PHACTR3: variants seen among roughly 807,000 people sequenced by gnomAD.
The protein encoded by PHACTR3 is protein phosphatase 1, regulatory subunit 123.
PHACTR3 carries 16 observed loss-of-function variants against 66.8 expected under a neutral mutation model. The ratio of observed to expected loss-of-function variants is 0.24; its 90% CI spans 0.16 to 0.36. PHACTR3 has a LOEUF of 0.36. PHACTR3 is among the 10% of genes least tolerant of loss of function. PHACTR3 has a pLI of 1.00. For synonymous variants in PHACTR3, 323 were observed against 292.1 expected (o/e 1.11, Z -1.08); for missense variants, 647 against 719.9 (o/e 0.90, Z 1.16).
chr20:59,787,866 C>G (rs2040965336), intron 7 of PHACTR3, among the ~76,000 whole-genome samples: 1 of 152,214 alleles, frequency 6.6e-6, no homozygotes. Context: ...TTATAGAAGC[C>G]TGGAGGTGTG....
intron 3 of PHACTR3, among the ~76,000 whole-genome samples, chr20:59,748,974 T>C (rs966983971): frequency 6.6e-6 from 1 of 152,174 alleles, no homozygotes; most frequent in Non-Finnish European, 1.5e-5. Flanking sequence ...TTCCTCTCTT[T>C]AGACTCGAAG....
At chr20:59,836,630 T>A in intron 9 of PHACTR3, 70 bp downstream of exon 9, 1 of 1,485,036 alleles carries the variant, frequency 6.7e-7, no homozygotes, top group Non-Finnish European at 9.2e-7. Flanking sequence ...AATCCTGAGT[T>A]CCCATAACCC....
intron 1 of PHACTR3, among the ~76,000 whole-genome samples, chr20:59,697,123 G>T (rs1347433744): frequency 6.6e-6 from 1 of 152,152 alleles, no homozygotes; most frequent in Non-Finnish European, 1.5e-5. Context: ...GGTAAGGACT[G>T]CCCCACTTAC....
chr20:59,673,188 G>T (rs2036254095), intron 1 of PHACTR3, among the ~76,000 whole-genome samples: 1 of 152,224 alleles, frequency 6.6e-6, no homozygotes, highest in Non-Finnish European at 1.5e-5. Context: ...GAGTTTATCT[G>T]TGGGCATGGC....
At chr20:59,587,954 C>T (rs906966818) in intron 1 of PHACTR3, among the ~76,000 whole-genome samples, 4 of 152,206 alleles carry the variant, frequency 2.6e-5, no homozygotes, top group African/African-American at 7.2e-5. Context: ...CCATGAGGCC[C>T]ATCGGGTCTT....
chr20:59,812,257 C>T (rs2041757534), intron 8 of PHACTR3, among the ~76,000 whole-genome samples: 1 of 152,230 alleles, frequency 6.6e-6, no homozygotes, highest in South Asian at 2.1e-4. Context: ...TCTTTGCTCC[C>T]AGGAACGTGT....
intron 9 of PHACTR3, among the ~76,000 whole-genome samples, chr20:59,838,910 G>A (rs892808088): frequency 1.3e-5 from 2 of 152,054 alleles, no homozygotes; most frequent in Admixed American, 1.3e-4. Flanking sequence ...CTAACAGGGA[G>A]GACTTCTTGG....
intron 1 of PHACTR3, among the ~76,000 whole-genome samples, chr20:59,715,156 T>C (rs1285824813): frequency 6.6e-6 from 1 of 152,220 alleles, no homozygotes; most frequent in African/African-American, 2.4e-5. Flanking sequence ...TTGTTCTGGT[T>C]AAAACCTCTA....
rs530573759 is a variant in PHACTR3 at position 59,764,360 on chromosome 20, AGAC to A, written c.542-2825_542-2823del. On this transcript the variant is annotated intron_variant, in intron 4 of 12. Transcript: ENST00000371015. ...GCTTCCTTTGGTGGCACCTCTGAGC[AGAC>A]CCTTGGAGCCTGGTTCAGACGCTGG... Among the ~76,000 whole-genome samples the A allele has an allele frequency of 2.1e-3, 319 of 152,124 alleles. 1 individual carries two copies. Among genetic ancestry groups the A allele is most frequent in the African/African-American group, 7.3e-3 (303 of 41,468 alleles).
intron 1 of PHACTR3, among the ~76,000 whole-genome samples, chr20:59,598,757 C>T (rs1370577676): frequency 3.3e-5 from 5 of 152,252 alleles, no homozygotes; most frequent in Non-Finnish European, 5.9e-5. Context: ...TTCAAGGCTA[C>T]GTCGTCAAGC....
Position 59,606,312 on chromosome 20 carries a change from C to A in PHACTR3, c.118+1180C>A, listed in dbSNP as rs371413177. Reference sequence around the variant, plus strand: ...GTGGGCACTGGATCCCTCCCCCCCCCATTTGAAAATTTAAACAATAAACCC... The same window carrying A: ...GTGGGCACTGGATCCCTCCCCCCCCAATTTGAAAATTTAAACAATAAACCC... On this transcript the variant is annotated intron_variant, in intron 1 of 12. Coordinates refer to ENST00000371015, the MANE Select transcript of PHACTR3 (RefSeq NM_080672.5). Among the ~76,000 whole-genome samples, 4 of 145,592 alleles carry A rather than the reference C, an allele frequency of 2.7e-5. No homozygotes were observed. In the South Asian group the frequency reaches 8.8e-4, roughly 32 times the overall value.
chr20:59,602,498 G>C (rs1471640884), upstream of PHACTR3, among the ~76,000 whole-genome samples: 1 of 151,698 alleles, frequency 6.6e-6, no homozygotes, highest in Non-Finnish European at 1.5e-5. Context: ...AGTGCAAAGA[G>C]TTGATTTAAA....
At position 59,736,742 on chromosome 20, in the gene PHACTR3, G is replaced by A. The variant is rs1240690210; in HGVS notation, c.119-6365G>A. Reference sequence around the variant, plus strand: ...CCTCTGCCCTTGGAGGGGTTTGTAAGTAGTTTTCTCTGAGCAGCACTATTT... The same window carrying A: ...CCTCTGCCCTTGGAGGGGTTTGTAAATAGTTTTCTCTGAGCAGCACTATTT... On this transcript the variant is annotated intron_variant, in intron 1 of 12. Transcript: ENST00000371015. The surrounding 1 kb of genome is among the most constrained non-coding windows in gnomAD (Gnocchi z 4.6). Among the ~76,000 whole-genome samples, 3 of 152,202 alleles carry A rather than the reference G, an allele frequency of 2.0e-5. No individual in the cohort carries two copies. Among genetic ancestry groups the A allele is most frequent in the Non-Finnish European group, 2.9e-5 (2 of 68,038 alleles).
intron 8 of PHACTR3, among the ~76,000 whole-genome samples, chr20:59,809,603 G>GT (rs1568843725): frequency 1.3e-5 from 2 of 152,186 alleles, no homozygotes; most frequent in East Asian, 3.9e-4. Context: ...TCTGGGGCTT[G>GT]TATTTTCAGT....
chr20:59,577,671 CG>C (rs1199357556), intron 1 of PHACTR3: 3 of 1,138,286 alleles, frequency 2.6e-6, no homozygotes, highest in Non-Finnish European at 3.3e-6. Flanking sequence ...GGGTGCCCGC[CG>C]GGCACGAGGC....
rs2033636608 is a variant in PHACTR3 at position 59,605,664 on chromosome 20, G to A, written c.118+532G>A. On this transcript the variant is annotated intron_variant, in intron 1 of 12. Transcript: ENST00000371015. ...CCCCCGGACAGGTGTGCTGGGCAGA[G>A]CCGCCGGCAGGGAGACGAAGGGCGT... 2.0e-5 allele frequency among the ~76,000 whole-genome samples: 3 copies of A among 152,254 alleles called. No individual in the cohort carries two copies. The South Asian group carries it at 6.2e-4, about 31-fold the overall frequency.
chr20:59,605,196 A>C, intron 1 of PHACTR3, 64 bp downstream of exon 1: 1 of 1,162,858 alleles, frequency 8.6e-7, no homozygotes, highest in Non-Finnish European at 1.1e-6. Context: ...CGCTGAGAGC[A>C]GGACCCCGCG....
chr20:59,767,310 G>A lies in PHACTR3; in HGVS notation c.666G>A (p.Glu222=). ...DSLDSPPRPL[E]RSVGQLPSPP... ...TGGACAGTCCTCCCAGACCTCTGGA[G>A]AGATCCGTGGGCCAGCTCCCCAGCC... is the stretch of plus-strand genomic sequence containing the variant. Residue 222 remains glutamate, a synonymous_variant, in exon 5 of 13, where the codon GAG becomes GAA. Coordinates refer to ENST00000371015, the MANE Select transcript of PHACTR3 (RefSeq NM_080672.5). 4.3e-6 allele frequency: 7 copies of A among 1,614,218 alleles called. No individual in the cohort carries two copies. The highest frequency in any genetic ancestry group is 5.9e-6 in the Non-Finnish European group (7 of 1,180,036).
intron 8 of PHACTR3, among the ~76,000 whole-genome samples, chr20:59,814,868 C>T (rs76213586): frequency 0.11 from 16,063 of 152,004 alleles, 1,046 homozygotes; most frequent in East Asian, 0.26. Context: ...GGGGCCTCCG[C>T]GGTTGGGCCT....
Sources: allele counts gnomAD v4.1 joint callset (sites outside exome capture counted in the v4.1 genomes callset), GRCh38; gene constraint gnomAD v4.1.1; non-coding constraint Gnocchi (gnomAD v3.1); transcripts MANE v1.5; gene names NCBI Gene and HGNC (gene_info 2026-07-23, HGNC 2026-07-21).